Variants in TAGLN3 observed in about 807,000 individuals in gnomAD.
TAGLN3 encodes the protein transgelin 3, also known as transgelin-3.
In TAGLN3, 12 loss-of-function variants were observed where a neutral mutation model predicts 25.4. The observed-to-expected ratio is 0.47, with a 90% CI of 0.30 to 0.77. The LOEUF (loss-of-function observed/expected upper bound fraction) is 0.77, where lower values mean the gene tolerates loss of function less well. Among genes scored for constraint, TAGLN3 ranks in the 30% least tolerant of loss-of-function variants. TAGLN3 has a pLI of 0.06. For missense variants in TAGLN3, 218 were observed against 255.8 expected, an observed-to-expected ratio of 0.85 and a Z score of 1.01; for synonymous variants, 96 against 94.8, an observed-to-expected ratio of 1.01 and a Z score of -0.08.
intron 4 of TAGLN3, 81 bp downstream of exon 4, chr3:112,011,946 G>A: frequency 2.3e-6 from 3 of 1,313,528 alleles, no homozygotes; most frequent in Non-Finnish European, 2.1e-6. Flanking sequence ...ACTCTACAGA[G>A]GCTTTATGTG....
rs569783074 is a variant in TAGLN3, at chr3:112,008,157, C to T, written c.356-3606C>T. On this transcript the variant is annotated intron_variant, in intron 3 of 4. Coordinates refer to ENST00000478951, the MANE Select transcript of TAGLN3 (RefSeq NM_001008272.2). ...TGCATATTTTAAAAGAGATGCCCCC[C>T]TGCAAACTCCCATAAATAATCCAAG... is the stretch of plus-strand genomic sequence containing the variant. Among the ~76,000 whole-genome samples, 71 of 152,296 alleles carry T rather than the reference C, an allele frequency of 4.7e-4. 1 individual carries two copies. Among genetic ancestry groups the T allele is most frequent in the African/African-American group, 1.6e-3 (65 of 41,560 alleles).
chr3:112,011,192 T>C (rs1366886842), intron 3 of TAGLN3, among the ~76,000 whole-genome samples: 1 of 152,206 alleles, frequency 6.6e-6, no homozygotes, highest in Non-Finnish European at 1.5e-5. Context: ...GGCTGAGTTG[T>C]AAGGCCCAGT....
intron 3 of TAGLN3, among the ~76,000 whole-genome samples, chr3:112,005,702 C>CTTTTTTTT (rs761424017): frequency 3.3e-5 from 1 of 30,134 alleles, no homozygotes; most frequent in African/African-American, 8.9e-5. Flanking sequence ...TCTTTTTTTT[C>CTTTTTTTT]TTTTTTTTTT....
At chr3:112,006,022 G>A (rs540005098) in intron 3 of TAGLN3, among the ~76,000 whole-genome samples, 167 of 152,108 alleles carry the variant, frequency 1.1e-3, no homozygotes, top group African/African-American at 3.4e-3. Context: ...GCCTCCCAAA[G>A]TGCTGAGATT....
At position 112,000,873 on chromosome 3, in the gene TAGLN3, C is replaced by T; in HGVS notation, c.282C>T (p.Ser94=). 1 of 1,614,166 alleles carries T rather than the reference C, an allele frequency of 6.2e-7. No homozygotes were observed. Among genetic ancestry groups the T allele is most frequent in the Non-Finnish European group, 8.5e-7 (1 of 1,180,026 alleles). ...CTTTTAAGCAGATGGAGCAAATCTCCCAGTTCCTAAAAGCTGCGGAGACCT... is the reference window on the plus strand; with the variant it reads ...CTTTTAAGCAGATGGAGCAAATCTCTCAGTTCCTAAAAGCTGCGGAGACCT... ...KMAFKQMEQI[S]QFLKAAETYG... is the part of the protein sequence containing the mutation. The change falls in exon 3 of 5, where the codon TCC becomes TCT. Residue 94 remains serine, a synonymous_variant. Transcript: ENST00000478951.
intron 3 of TAGLN3, among the ~76,000 whole-genome samples, chr3:112,002,714 A>T (rs1442248202): frequency 2.0e-5 from 3 of 147,714 alleles, no homozygotes; most frequent in Non-Finnish European, 4.5e-5. Context: ...GTGGGAGGTG[A>T]GGATTCTGAG....
At chr3:112,007,621 G>C (rs1373148268) in intron 3 of TAGLN3, among the ~76,000 whole-genome samples, 2 of 152,116 alleles carry the variant, frequency 1.3e-5, no homozygotes. Flanking sequence ...TTCTGTTCTT[G>C]GAAGAATGGC....
Position 112,013,433 on chromosome 3 carries a change from G to A in TAGLN3, c.482G>A (p.Gly161Asp), listed in dbSNP as rs1559944887. 1.2e-6 allele frequency: 2 copies of A among 1,613,694 alleles called. No homozygotes were observed. The highest frequency in any genetic ancestry group is 2.2e-5 in the East Asian group (1 of 44,852). ...FHRKAQQNRR[G>D]FSEEQLRQGQ... ...AGGAAAGCCCAGCAGAATCGGAGAG[G>A]CTTTTCCGAGGAGCAGCTTCGCCAG... The change falls in exon 5 of 5, where the codon GGC (glycine) becomes GAC (aspartate). Residue 161 changes from glycine to aspartate, a missense_variant. Coordinates refer to ENST00000478951, the MANE Select transcript of TAGLN3 (RefSeq NM_001008272.2).
Position 112,000,531 on chromosome 3 carries a change from G to C in TAGLN3, c.181-241G>C, listed in dbSNP as rs1218949307. ...AAGGGAGGAACAGGGAGGGAATGGC[G>C]CTCCCAGGCTACAGGAATCTCTGTA... On this transcript the variant is annotated intron_variant, in intron 2 of 4. Transcript: ENST00000478951. 1.3e-5 allele frequency: 5 copies of C among 387,806 alleles called. No individual in the cohort carries two copies. The South Asian group carries it at 4.0e-4, about 31-fold the overall frequency. The allele number at this position is 387,806 out of a possible 1,614,324, so 24.0% of individuals were successfully genotyped here.
intron 3 of TAGLN3, among the ~76,000 whole-genome samples, chr3:112,005,037 C>G (rs1258706548): frequency 6.6e-6 from 1 of 152,132 alleles, no homozygotes; most frequent in Non-Finnish European, 1.5e-5. Context: ...TTTACTAATT[C>G]CAGACACAGA....
intron 3 of TAGLN3, among the ~76,000 whole-genome samples, chr3:112,007,948 C>T (rs1420416881): frequency 2.6e-5 from 4 of 152,304 alleles, no homozygotes; most frequent in African/African-American, 9.6e-5. Context: ...TCCCAGGAGA[C>T]TGCCCCAGAA....
Position 112,013,368 on chromosome 3 carries a change from A to G in TAGLN3, c.459-42A>G, listed in dbSNP as rs143868452. ...TGCATATCTTGAAAAGGATTGGAAA[A>G]CTGTCATAATGACATTATTCCCTCT... On this transcript the variant is annotated intron_variant, in intron 4 of 4. Transcript: ENST00000478951. 1,307 of 1,581,258 alleles carry G rather than the reference A, an allele frequency of 8.3e-4. 15 individuals carry two copies. In the African/African-American group the frequency reaches 0.016, roughly 20 times the overall value.
intron 3 of TAGLN3, 33 bp from the exon 4 acceptor site, chr3:112,011,730 G>T (rs377048490): frequency 5.0e-6 from 8 of 1,596,284 alleles, no homozygotes; most frequent in Non-Finnish European, 6.8e-6. Flanking sequence ...GCTCTGACAC[G>T]TGCTTGGCTT....
chr3:112,005,982 A>T lies in TAGLN3; in HGVS notation c.355+5036A>T, dbSNP rs551444148. Among the ~76,000 whole-genome samples the T allele has an allele frequency of 2.0e-5, 3 of 150,760 alleles. No individual in the cohort carries two copies. The South Asian group carries it at 6.3e-4, about 32-fold the overall frequency. ...CACTGAGTTAGCCAGGATGGTCTTG[A>T]TCTCCTGACCTCGTGATCCGCCCAC... is the stretch of plus-strand genomic sequence containing the variant. On this transcript the variant is annotated intron_variant, in intron 3 of 4. Transcript: ENST00000478951.
intron 4 of TAGLN3, among the ~76,000 whole-genome samples, chr3:112,012,280 TTCCC>T (rs1378005844): frequency 5.8e-5 from 5 of 86,214 alleles, no homozygotes; most frequent in South Asian, 4.1e-4. Context: ...TCCTTCCTCC[TTCCC>T]TCCCTCCCTC....
At chr3:111,999,253 C>T in intron 1 of TAGLN3, 139 bp downstream of exon 1, 1 of 679,038 alleles carries the variant, frequency 1.5e-6, no homozygotes, top group Non-Finnish European at 2.4e-6. Flanking sequence ...GTAGGTGAAA[C>T]CCCATTGGCT....
intron 3 of TAGLN3, 149 bp downstream of exon 3, chr3:112,001,095 C>T: frequency 1.4e-6 from 1 of 690,688 alleles, no homozygotes; most frequent in Non-Finnish European, 2.4e-6. Context: ...GTTTGCCTTC[C>T]CCATTGTTAT....
intron 3 of TAGLN3, among the ~76,000 whole-genome samples, chr3:112,006,041 G>T (rs1421803656): frequency 6.6e-6 from 1 of 151,978 alleles, no homozygotes; most frequent in Admixed American, 6.6e-5. Flanking sequence ...TTACAGGCGT[G>T]AGCCACCGCG....
intron 3 of TAGLN3, among the ~76,000 whole-genome samples, chr3:112,004,095 C>CT (rs981391860): frequency 6.6e-6 from 1 of 152,198 alleles, no homozygotes; most frequent in Non-Finnish European, 1.5e-5. Flanking sequence ...ATAGATAAAG[C>CT]TACTGAAGTC....
Sources: allele counts gnomAD v4.1 joint callset (sites outside exome capture counted in the v4.1 genomes callset), GRCh38; gene constraint gnomAD v4.1.1; transcripts MANE v1.5; gene names NCBI Gene and HGNC (gene_info 2026-07-23, HGNC 2026-07-21).